The following DNAH3 variants were observed in gnomAD, a reference collection of about 807,000 sequenced individuals.
The protein encoded by DNAH3 is dynein axonemal heavy chain 3, also known as axonemal beta dynein heavy chain 3.
Under a neutral mutation model 432.5 loss-of-function variants are expected in DNAH3, and 332 were observed. That is an observed-to-expected ratio of 0.77 (90% CI 0.70 to 0.84). DNAH3 has a LOEUF of 0.84. Among genes scored for constraint, DNAH3 ranks in the 40% least tolerant of loss-of-function variants. The probability of loss-of-function intolerance (pLI) is 0.00; values close to 1 mark genes in which losing one functional copy is unlikely to be tolerated. For synonymous variants in DNAH3, 1,956 were observed against 1,900.2 expected, an observed-to-expected ratio of 1.03 and a Z score of -0.76; for missense variants, 4,861 against 5,114.0, an observed-to-expected ratio of 0.95 and a Z score of 1.51.
At chr16:21,104,703 G>A (rs2091909260) in intron 15 of DNAH3, 109 bp from the exon 16 acceptor site, 1 of 651,910 alleles carries the variant, frequency 1.5e-6, no homozygotes, top group African/African-American at 1.8e-5. Flanking sequence ...GTGTGGGGGT[G>A]GCAATGAACA....
At chr16:21,122,219 C>A (rs148111559) in intron 9 of DNAH3, 95 bp from the exon 11 acceptor site, 3 of 1,055,162 alleles carry the variant, frequency 2.8e-6, no homozygotes, top group East Asian at 4.8e-5. Context: ...ACATGAGGAC[C>A]AGAAAAGGCA....
chr16:20,987,756 A>C, exon 46 of DNAH3: 3 of 1,614,162 alleles, frequency 1.9e-6, no homozygotes, highest in Non-Finnish European at 1.7e-6. Context: ...CCCGCAGGTT[A>C]AAGACGTAAT....
intron 21 of DNAH3, among the ~76,000 whole-genome samples, chr16:21,074,762 A>C (rs1326054672): frequency 1.3e-5 from 2 of 152,048 alleles, no homozygotes; most frequent in Non-Finnish European, 2.9e-5. Context: ...TGTGTGTATC[A>C]ACCTGTTGCC....
exon 62 of DNAH3, chr16:20,933,305 C>T: frequency 1.2e-6 from 2 of 1,614,180 alleles, no homozygotes; most frequent in South Asian, 1.1e-5. Flanking sequence ...GTAGACTGGA[C>T]ACACATAGAT....
intron 3 of DNAH3, among the ~76,000 whole-genome samples, chr16:21,142,465 T>C (rs1478256940): frequency 6.6e-6 from 1 of 151,932 alleles, no homozygotes; most frequent in South Asian, 2.1e-4. Flanking sequence ...TTATCACAAA[T>C]AAAAAATAAG....
At chr16:21,085,533 A>G (rs1355585558) in intron 19 of DNAH3, among the ~76,000 whole-genome samples, 55 of 151,190 alleles carry the variant, frequency 3.6e-4, no homozygotes, top group African/African-American at 1.3e-3. Flanking sequence ...ACCTCAAAAA[A>G]AAAAAAAAAA....
At chr16:21,129,301 G>A (rs1477565021) in intron 7 of DNAH3, 1 of 152,796 alleles carries the variant, frequency 6.5e-6, no homozygotes. Flanking sequence ...GACTTCTATG[G>A]AGCTGACTCT....
intron 14 of DNAH3, among the ~76,000 whole-genome samples, chr16:21,109,247 G>C (rs2092016112): frequency 6.6e-6 from 1 of 152,144 alleles, no homozygotes; most frequent in African/African-American, 2.4e-5. Flanking sequence ...GAATGAGAAA[G>C]CTGCTTGCAC....
intron 19 of DNAH3, among the ~76,000 whole-genome samples, chr16:21,085,012 G>A (rs1033419749): frequency 2.0e-5 from 3 of 150,062 alleles, no homozygotes; most frequent in African/African-American, 7.4e-5. Context: ...TGGGTCCGTA[G>A]AGAGAGGCAC....
intron 5 of DNAH3, among the ~76,000 whole-genome samples, chr16:21,139,299 T>C (rs947690015): frequency 2.1e-5 from 3 of 144,428 alleles, no homozygotes; most frequent in Non-Finnish European, 1.5e-5. Flanking sequence ...TTGGAAAATG[T>C]AGCTTGAGAC....
chr16:20,987,695 G>A lies in DNAH3; in HGVS notation c.6880C>T (p.Gln2294Ter). 19 of 1,613,530 alleles carry A rather than the reference G, an allele frequency of 1.2e-5. No individual in the cohort carries two copies. Among genetic ancestry groups the A allele is most frequent in the Non-Finnish European group, 1.6e-5 (19 of 1,179,504 alleles). ...GTAGTAAAATGATAGTGGCTGACCT[G>A]CAGGTGTGTGTGAGGGCACAGCAGG... The change falls in exon 46 of 62, where the codon CAG becomes TAG. Residue 2294 changes from glutamine (Q) to a stop codon, truncating the protein, a stop_gained and splice_region_variant. Coordinates refer to ENST00000261383, the Ensembl canonical transcript of DNAH3. LOFTEE classifies it high-confidence loss of function.
At chr16:20,967,559 A>G (rs3103823) in intron 52 of DNAH3, among the ~76,000 whole-genome samples, 56,431 of 142,536 alleles carry the variant, frequency 0.4, 10,978 homozygotes, top group South Asian at 0.44. Flanking sequence ...CTGGAGTGCA[A>G]TGGCGTGGTC....
rs548154761 is a variant in DNAH3, at chr16:20,983,002, G to A, written c.7666-88C>T. ...AAGTGGGGGCAGGCTTCCTCCTGGCGCTCCAGGGATGTGACTGTCAATGGC... is the reference window on the plus strand; with the variant it reads ...AAGTGGGGGCAGGCTTCCTCCTGGCACTCCAGGGATGTGACTGTCAATGGC... On this transcript the variant is annotated intron_variant, in intron 48 of 61. Coordinates refer to ENST00000261383, the Ensembl canonical transcript of DNAH3. The A allele has an allele frequency of 3.8e-5, 42 of 1,101,264 alleles. No individual in the cohort carries two copies. The East Asian group carries it at 6.9e-4, about 18-fold the overall frequency. The allele number at this position is 1,101,264 out of a possible 1,614,324, so 68.2% of individuals were successfully genotyped here.
At chr16:21,033,619 G>A (rs893648550) in intron 36 of DNAH3, among the ~76,000 whole-genome samples, 7 of 152,136 alleles carry the variant, frequency 4.6e-5, no homozygotes, top group Admixed American at 2.0e-4. Flanking sequence ...AGGAAAAGAA[G>A]AGAATAGAAG....
At chr16:21,147,167 A>C (rs2092796052) in intron 1 of DNAH3, among the ~76,000 whole-genome samples, 1 of 151,886 alleles carries the variant, frequency 6.6e-6, no homozygotes, top group Non-Finnish European at 1.5e-5. Flanking sequence ...GGACATCCCC[A>C]GTACCCTACC....
intron 41 of DNAH3, among the ~76,000 whole-genome samples, chr16:21,005,272 TTC>T (rs2087234041): frequency 6.9e-6 from 1 of 144,942 alleles, no homozygotes; most frequent in Admixed American, 6.8e-5. Flanking sequence ...CCTCCCTTCT[TTC>T]TTTCTTTCCT....
chr16:21,051,061 T>C lies in DNAH3; in HGVS notation c.4238+609A>G, dbSNP rs185626289. ...ATAAATGAATGAAGAGCAAAAATCA[T>C]AGACCATAAAAAACAAGTGGTTGAG... On this transcript the variant is annotated intron_variant, in intron 29 of 61. Coordinates refer to ENST00000261383, the Ensembl canonical transcript of DNAH3. Among the ~76,000 whole-genome samples the C allele has an allele frequency of 5.7e-3, 866 of 152,270 alleles. 14 individuals carry two copies. Among genetic ancestry groups the C allele is most frequent in the Admixed American group, 4.7e-3 (72 of 15,292 alleles).
At chr16:21,153,579 G>A (rs746115726) in intron 1 of DNAH3, among the ~76,000 whole-genome samples, 15 of 152,192 alleles carry the variant, frequency 9.9e-5, no homozygotes, top group South Asian at 2.1e-4. Context: ...CTACAACGTG[G>A]AAGGTTTGTT....
In DNAH3 at chr16:21,070,770, C is replaced by CT; in HGVS notation, c.3140_3141insA (p.Ile1048AspfsTer70). 1.2e-6 allele frequency: 2 copies of CT among 1,613,680 alleles called. No individual in the cohort carries two copies. Among genetic ancestry groups the CT allele is most frequent in the Non-Finnish European group, 1.7e-6 (2 of 1,179,618 alleles). ...AGCCACACATGGTCTGGGTCTTTATCACGTGATCATCAAGTAGCATTTGAA... is the reference window on the plus strand; with the variant it reads ...AGCCACACATGGTCTGGGTCTTTATCTACGTGATCATCAAGTAGCATTTGAA... On this transcript the variant is annotated frameshift_variant, in exon 22 of 62. Transcript: ENST00000261383. LOFTEE classifies it high-confidence loss of function.
Sources: gnomAD v4.1 joint callset for allele counts (sites outside exome capture counted in the v4.1 genomes callset) on GRCh38, gnomAD v4.1.1 for gene constraint, MANE v1.5 for transcripts, NCBI Gene and HGNC (gene_info 2026-07-23, HGNC 2026-07-21) for gene names.